ENTREP2: variants seen among roughly 807,000 people sequenced by gnomAD.
The protein encoded by ENTREP2 is endosomal transmembrane epsin interactor 2, also known as protein ENTREP2.
At chr15:29,635,311 G>C in the ENTREP2 span, among the ~76,000 whole-genome samples, 1 of 152,164 alleles carries the variant, frequency 6.6e-6, no homozygotes, top group East Asian at 1.9e-4. Flanking sequence ...CCAGCAGTCA[G>C]TTCATTCATG....
chr15:29,162,852 C>T, the ENTREP2 span, among the ~76,000 whole-genome samples: 82 of 152,168 alleles, frequency 5.4e-4, no homozygotes, highest in African/African-American at 1.8e-3. Context: ...GAGGCCAACC[C>T]GCACAAAAAT....
At chr15:29,199,900 G>C in the ENTREP2 span, among the ~76,000 whole-genome samples, 18 of 152,132 alleles carry the variant, frequency 1.2e-4, no homozygotes, top group Non-Finnish European at 1.9e-4. Context: ...TTTAGTGAAA[G>C]ATATGAGACT....
At chr15:29,527,080 C>T in the ENTREP2 span, among the ~76,000 whole-genome samples, 1 of 152,164 alleles carries the variant, frequency 6.6e-6, no homozygotes, top group Non-Finnish European at 1.5e-5. Context: ...TGCTTTTCCC[C>T]CAGATCTGGC....
chr15:29,207,834 C>T, the ENTREP2 span, among the ~76,000 whole-genome samples: 1 of 152,172 alleles, frequency 6.6e-6, no homozygotes, highest in Admixed American at 6.5e-5. Context: ...GGGGACAAAG[C>T]CAGCTCATCA....
chr15:29,243,284 A>C, the ENTREP2 span, among the ~76,000 whole-genome samples: 2 of 152,212 alleles, frequency 1.3e-5, no homozygotes, highest in African/African-American at 4.8e-5. Flanking sequence ...GGATTGTAAA[A>C]AGTAGAAATT....
the ENTREP2 span, among the ~76,000 whole-genome samples, chr15:29,473,355 TC>T: frequency 4.8e-4 from 73 of 152,062 alleles, no homozygotes; most frequent in African/African-American, 1.5e-3. Flanking sequence ...CCATAACACT[TC>T]CAACAAAATA....
chr15:29,234,867 A>G, the ENTREP2 span: 43 of 1,455,782 alleles, frequency 3.0e-5, no homozygotes, highest in African/African-American at 5.7e-4. Context: ...TGGTGCCCCG[A>G]ACGAATTGTT....
the ENTREP2 span, chr15:29,234,009 G>C: frequency 1.3e-6 from 2 of 1,494,004 alleles, no homozygotes; most frequent in Non-Finnish European, 1.9e-6. Context: ...ATATCTGATT[G>C]ACTTGTTCCA....
At chr15:29,569,400 G>A in the ENTREP2 span, 1 of 152,132 alleles carries the variant, frequency 6.6e-6, no homozygotes, top group Non-Finnish European at 1.5e-5. Flanking sequence ...AAACAAATAA[G>A]CAAAGCTGGA....
At chr15:29,315,575 G>C in the ENTREP2 span, among the ~76,000 whole-genome samples, 1 of 152,056 alleles carries the variant, frequency 6.6e-6, no homozygotes, top group East Asian at 1.9e-4. Context: ...ATTCCAAATA[G>C]ATTAGAAACT....
chr15:29,416,541 A>G, the ENTREP2 span, among the ~76,000 whole-genome samples: 1,719 of 152,280 alleles, frequency 0.011, 32 homozygotes, highest in African/African-American at 0.04. Flanking sequence ...AACCATAAAA[A>G]CCCTAGAAGA....
At chr15:29,300,760 G>C in the ENTREP2 span, among the ~76,000 whole-genome samples, 2 of 151,998 alleles carry the variant, frequency 1.3e-5, no homozygotes, top group Non-Finnish European at 2.9e-5. Context: ...CACCATGCCC[G>C]GCTAATTTTT....
chr15:29,253,493 A>G, the ENTREP2 span, among the ~76,000 whole-genome samples: 14 of 143,576 alleles, frequency 9.8e-5, no homozygotes, highest in Non-Finnish European at 1.8e-4. Context: ...CTGTCGCTGG[A>G]GTGCAGTGGC....
chr15:29,521,018 C>T, the ENTREP2 span, among the ~76,000 whole-genome samples: 1 of 152,272 alleles, frequency 6.6e-6, no homozygotes, highest in Non-Finnish European at 1.5e-5. Context: ...GCTTTTCAAC[C>T]ACGGGTGATT....
the ENTREP2 span, among the ~76,000 whole-genome samples, chr15:29,155,227 A>G: frequency 6.6e-6 from 1 of 151,568 alleles, no homozygotes; most frequent in Non-Finnish European, 1.5e-5. Context: ...GCTTGCAGTG[A>G]GCCAAGATCG....
chr15:29,140,933 G>A, the ENTREP2 span, among the ~76,000 whole-genome samples: 2 of 152,356 alleles, frequency 1.3e-5, no homozygotes, highest in Admixed American at 6.5e-5. Context: ...TCATGCACCC[G>A]ATGTGGGCAT....
At chr15:29,621,174 G>A in the ENTREP2 span, among the ~76,000 whole-genome samples, 4 of 151,958 alleles carry the variant, frequency 2.6e-5, no homozygotes, top group East Asian at 1.9e-4. Flanking sequence ...CGGATCACAA[G>A]GTCAGGAGAT....
chr15:29,325,731 C>T, the ENTREP2 span, among the ~76,000 whole-genome samples: 307 of 152,238 alleles, frequency 2.0e-3, 2 homozygotes, highest in African/African-American at 7.0e-3. Context: ...GCAGAGGGAA[C>T]GCTTCCTAAT....
chr15:29,376,439 C>T, the ENTREP2 span: 28 of 152,082 alleles, frequency 1.8e-4, no homozygotes, highest in African/African-American at 6.7e-4. Flanking sequence ...TCATAGAAGA[C>T]ACTAAGAACA....
Sources: gnomAD v4.1 joint callset for allele counts (sites outside exome capture counted in the v4.1 genomes callset) on GRCh38, gnomAD v4.1.1 for gene constraint, MANE v1.5 for transcripts, NCBI Gene and HGNC (gene_info 2026-07-23, HGNC 2026-07-21) for gene names.